TET3: variants seen among roughly 807,000 people sequenced by gnomAD.
The protein encoded by TET3 is methylcytosine dioxygenase TET3.
A neutral mutation model predicts 141.4 loss-of-function variants in TET3; 19 were observed. The observed-to-expected ratio is 0.13, with a 90% CI of 0.09 to 0.20. The LOEUF (loss-of-function observed/expected upper bound fraction) is 0.20. Ranked by LOEUF, TET3 falls within the 10% of genes least tolerant of loss-of-function variation. The pLI is 1.00. For missense variants in TET3, 1,874 were observed against 2,356.9 expected, an observed-to-expected ratio of 0.80 and a Z score of 4.24; for synonymous variants, 1,043 against 980.9, an observed-to-expected ratio of 1.06 and a Z score of -1.18.
At chr2:74,052,827 G>C (rs762509787) in intron 4 of TET3, among the ~76,000 whole-genome samples, 1 of 152,110 alleles carries the variant, frequency 6.6e-6, no homozygotes, top group Non-Finnish European at 1.5e-5. Flanking sequence ...CTGAGATCAC[G>C]CCACTGCACT....
At chr2:74,133,991 C>T in the TET3 span, among the ~76,000 whole-genome samples, 47 of 152,136 alleles carry the variant, frequency 3.1e-4, no homozygotes, top group African/African-American at 9.9e-4. Context: ...GATCCCCCCC[C>T]CTCGGCCTCT....
At chr2:73,990,391 C>G (rs1482973944) in intron 2 of TET3, among the ~76,000 whole-genome samples, 1 of 152,130 alleles carries the variant, frequency 6.6e-6, no homozygotes, top group Admixed American at 6.5e-5. Flanking sequence ...AAGGCATTCA[C>G]CTCACTTGCT....
At chr2:74,016,551 G>A (rs761581170) in intron 3 of TET3, among the ~76,000 whole-genome samples, 12 of 151,826 alleles carry the variant, frequency 7.9e-5, no homozygotes, top group Non-Finnish European at 1.3e-4. Context: ...GTGAAACTTT[G>A]TCTCTACTAA....
chr2:74,033,202 C>A (rs935857058), intron 3 of TET3, among the ~76,000 whole-genome samples: 13 of 152,148 alleles, frequency 8.5e-5, no homozygotes, highest in Non-Finnish European at 1.8e-4. Context: ...AATGAAAATA[C>A]CTATGATAAA....
chr2:74,050,840 C>T (rs762323899), intron 4 of TET3, among the ~76,000 whole-genome samples: 49 of 151,928 alleles, frequency 3.2e-4, no homozygotes, highest in Non-Finnish European at 5.0e-4. Flanking sequence ...TCGTGAACCA[C>T]TGCACCCAGC....
chr2:74,090,708 G>T (rs990931294), intron 8 of TET3, among the ~76,000 whole-genome samples: 1 of 152,218 alleles, frequency 6.6e-6, no homozygotes, highest in Non-Finnish European at 1.5e-5. Flanking sequence ...GGGGGCCGGA[G>T]CATCTGCTCA....
the TET3 span, among the ~76,000 whole-genome samples, chr2:74,116,556 G>A: frequency 4.6e-5 from 7 of 152,004 alleles, no homozygotes; most frequent in East Asian, 7.7e-4. Flanking sequence ...GTGTGTGTGT[G>A]TGCCTGTAGT....
chr2:74,023,933 C>G (rs1277507955), intron 3 of TET3, among the ~76,000 whole-genome samples: 1 of 152,126 alleles, frequency 6.6e-6, no homozygotes, highest in African/African-American at 2.4e-5. Context: ...TTCTAATCCA[C>G]TATTTCTGTC....
intron 3 of TET3, among the ~76,000 whole-genome samples, chr2:74,009,501 G>C (rs1471372326): frequency 6.6e-6 from 1 of 152,200 alleles, no homozygotes; most frequent in Non-Finnish European, 1.5e-5. Context: ...TTCACCACAT[G>C]GATCATTATT....
intron 4 of TET3, among the ~76,000 whole-genome samples, chr2:74,057,591 T>C (rs1247856879): frequency 1.3e-5 from 2 of 152,232 alleles, no homozygotes; most frequent in Non-Finnish European, 2.9e-5. Context: ...AATTGGAGGC[T>C]TTCCATTCCT....
In TET3 at chr2:74,101,048, A is replaced by C; in HGVS notation, c.4260A>C (p.Thr1420=). Residue 1420 remains threonine, a synonymous_variant, in exon 12 of 12, where the codon ACA becomes ACC. Coordinates refer to ENST00000409262, the MANE Select transcript of TET3 (RefSeq NM_001287491.2). The surrounding 1 kb of genome is among the most constrained non-coding windows in gnomAD (Gnocchi z 8.5). ...VPRDAGKMGK[T]PLSEVSQNGG... is the part of the protein sequence containing the mutation. ...GAGACGCTGGCAAGATGGGCAAGAC[A>C]CCTCTGTCCGAGGTGTCTCAGAATG... 1 of 1,612,920 alleles carries C rather than the reference A, an allele frequency of 6.2e-7. No individual in the cohort carries two copies. Among genetic ancestry groups the C allele is most frequent in the South Asian group, 1.1e-5 (1 of 90,882 alleles).
chr2:74,070,348 A>G (rs1689136770), intron 4 of TET3, among the ~76,000 whole-genome samples: 1 of 152,216 alleles, frequency 6.6e-6, no homozygotes, highest in Non-Finnish European at 1.5e-5. Flanking sequence ...GTTTCCCCTT[A>G]TCAAACCATC....
rs149711078 is a variant in TET3 at position 74,098,878 on chromosome 2, A to G, written c.3268-398A>G. On this transcript the variant is annotated intron_variant, in intron 10 of 11. Transcript: ENST00000409262. ...CAAAAGGAAACGTATTTTAAGAGCA[A>G]AAGGAGGCTGAGTGTTTAGAACAAG... Among the ~76,000 whole-genome samples the G allele has an allele frequency of 2.4e-3, 373 of 152,264 alleles. 3 individuals carry two copies. Among genetic ancestry groups the G allele is most frequent in the African/African-American group, 8.5e-3 (352 of 41,544 alleles).
chr2:74,044,355 A>G (rs1298281580), intron 3 of TET3, among the ~76,000 whole-genome samples: 1 of 152,184 alleles, frequency 6.6e-6, no homozygotes, highest in Non-Finnish European at 1.5e-5. Context: ...TGTCTCATGT[A>G]TTTATCATCT....
chr2:74,132,221 CT>C, the TET3 span, among the ~76,000 whole-genome samples: 889 of 152,272 alleles, frequency 5.8e-3, 10 homozygotes, highest in African/African-American at 0.02. Flanking sequence ...TATATGCCCC[CT>C]GGACCCCACC....
downstream of TET3, among the ~76,000 whole-genome samples, chr2:74,112,272 G>A (rs1691722522): frequency 6.6e-6 from 1 of 151,686 alleles, no homozygotes; most frequent in East Asian, 2.0e-4. Context: ...TCTCCTTGGT[G>A]CACCTCCCCA....
chr2:74,025,948 T>A (rs13003431), intron 3 of TET3, among the ~76,000 whole-genome samples: 40,508 of 151,646 alleles, frequency 0.27, 5,727 homozygotes, highest in African/African-American at 0.33. Flanking sequence ...CAAAAAAAAA[T>A]AATAATAATA....
intron 3 of TET3, among the ~76,000 whole-genome samples, chr2:74,043,092 C>T (rs1199586637): frequency 6.6e-6 from 1 of 152,192 alleles, no homozygotes; most frequent in African/African-American, 2.4e-5. Context: ...GCATTAGTCT[C>T]CCTGACACTG....
rs142908688 is a variant in TET3, at chr2:74,082,258, G to A, written c.2679+1667G>A. 7.2e-4 allele frequency among the ~76,000 whole-genome samples: 109 copies of A among 152,284 alleles called. 1 individual carries two copies. The highest frequency in any genetic ancestry group is 2.5e-3 in the African/African-American group (102 of 41,538). On this transcript the variant is annotated intron_variant, in intron 6 of 11. Transcript: ENST00000409262. The stretch of plus-strand genomic sequence containing the variant: ...AAGCGATAAGTCCTGGTCAGGGCTC[G>A]TGTGGCCCCACTGAGGGCTGGGAAG...
Sources: gnomAD v4.1 joint callset for allele counts (sites outside exome capture counted in the v4.1 genomes callset) on GRCh38, gnomAD v4.1.1 for gene constraint, Gnocchi (gnomAD v3.1) non-coding constraint, MANE v1.5 for transcripts, NCBI Gene and HGNC (gene_info 2026-07-23, HGNC 2026-07-21) for gene names.